Variants in CSMD1 observed in about 807,000 individuals in gnomAD.
The protein encoded by CSMD1 is CUB and sushi domain-containing protein 1.
A neutral mutation model predicts 417.5 loss-of-function variants in CSMD1; 213 were observed. The observed-to-expected ratio is 0.51, with a 90% CI of 0.46 to 0.57. CSMD1 has a LOEUF of 0.57. Among genes scored for constraint, CSMD1 ranks in the 20% least tolerant of loss-of-function variants. The pLI is 0.00. For synonymous variants in CSMD1, 2,862 were observed against 1,736.8 expected (o/e 1.65, Z -16.11); for missense variants, 6,923 against 4,529.7 (o/e 1.53, Z -15.17).
At chr8:3,177,124 G>T (rs10089056) in intron 37 of CSMD1, among the ~76,000 whole-genome samples, 2 of 151,890 alleles carry the variant, frequency 1.3e-5, no homozygotes, top group South Asian at 4.2e-4. Flanking sequence ...AGAGACGAGA[G>T]CCGCATGCTA....
intron 3 of CSMD1, among the ~76,000 whole-genome samples, chr8:4,061,202 T>G (rs1024196288): frequency 2.6e-4 from 40 of 152,162 alleles, no homozygotes; most frequent in African/African-American, 9.4e-4. Context: ...ATGAGCCCTT[T>G]TAGGAACCCA....
rs373888612 is a variant in CSMD1, at chr8:4,344,830, A to C, written c.415+75123T>G. Reference sequence around the variant, plus strand: ...TATGATATATAGCAGCTGATCTTTAAAAAGGATCTTTGAGAACCTTTAAAA... The same window carrying C: ...TATGATATATAGCAGCTGATCTTTACAAAGGATCTTTGAGAACCTTTAAAA... On this transcript the variant is annotated intron_variant, in intron 3 of 69. Coordinates refer to ENST00000635120, the MANE Select transcript of CSMD1 (RefSeq NM_033225.6). Among the ~76,000 whole-genome samples, 9 of 152,170 alleles carry C rather than the reference A, an allele frequency of 5.9e-5. 1 individual carries two copies. The highest frequency in any genetic ancestry group is 5.9e-5 in the Non-Finnish European group (4 of 68,028).
At chr8:3,534,184 A>G (rs1188120939) in intron 10 of CSMD1, among the ~76,000 whole-genome samples, 3 of 152,194 alleles carry the variant, frequency 2.0e-5, no homozygotes, top group Admixed American at 1.3e-4. Context: ...TTGGTGTTTC[A>G]TCACTTACTC....
chr8:3,099,689 T>A (rs555666758), intron 46 of CSMD1, among the ~76,000 whole-genome samples: 4 of 152,186 alleles, frequency 2.6e-5, no homozygotes, highest in African/African-American at 9.6e-5. Flanking sequence ...TATTCGCACA[T>A]CCTGGGGTTT....
intron 3 of CSMD1, among the ~76,000 whole-genome samples, chr8:4,406,638 A>G (rs1396450555): frequency 6.6e-6 from 1 of 152,186 alleles, no homozygotes; most frequent in African/African-American, 2.4e-5. Context: ...CTGGCCACAC[A>G]ACAGGAAGCA....
At chr8:4,010,303 C>A (rs984973634) in intron 4 of CSMD1, among the ~76,000 whole-genome samples, 4 of 152,080 alleles carry the variant, frequency 2.6e-5, no homozygotes, top group African/African-American at 9.7e-5. Flanking sequence ...AATAATCTGG[C>A]ACCCTCTGCC....
chr8:3,405,212 A>G lies in CSMD1; in HGVS notation c.2266+815T>C, dbSNP rs547260212. ...TTCTTCTTAAATTTGTACTTCTTTGATATACACTAGAGGTAAGTTTTTAAG... is the reference window on the plus strand; with the variant it reads ...TTCTTCTTAAATTTGTACTTCTTTGGTATACACTAGAGGTAAGTTTTTAAG... On this transcript the variant is annotated intron_variant, in intron 15 of 69. Transcript: ENST00000635120. 7.2e-5 allele frequency among the ~76,000 whole-genome samples: 11 copies of G among 152,306 alleles called. No individual in the cohort carries two copies. In the South Asian group the frequency reaches 1.9e-3, roughly 26 times the overall value.
At position 4,637,390 on chromosome 8, in the gene CSMD1, A is replaced by G. The variant is rs1490572989; in HGVS notation, c.254T>C (p.Ile85Thr). 2.5e-6 allele frequency: 4 copies of G among 1,613,886 alleles called. No homozygotes were observed. The highest frequency in any genetic ancestry group is 1.3e-5 in the African/African-American group (1 of 74,924). Residue 85 changes from isoleucine to threonine, a missense_variant, in exon 2 of 70, where the codon ATT becomes ACT. By Grantham distance (89) the Ile-to-Thr change is moderately conservative. Transcript: ENST00000635120. ...HTFALEEDFDILSVYDGQPQQ... is the reference protein window; with the variant it reads ...HTFALEEDFDTLSVYDGQPQQ... ...AGGCTGTCCATCGTAAACTGATAAA[A>G]TATCAAAATCTTCTTCAAGAGCAAA...
At chr8:3,127,776 A>T (rs1817584061) in intron 41 of CSMD1, 8 of 152,138 alleles carry the variant, frequency 5.3e-5, no homozygotes, top group Non-Finnish European at 1.2e-4. Context: ...TCTTTCCCAA[A>T]AAAGTTTATG....
At chr8:3,506,435 A>G (rs1189508390) in intron 10 of CSMD1, among the ~76,000 whole-genome samples, 2 of 152,230 alleles carry the variant, frequency 1.3e-5, no homozygotes, top group South Asian at 4.1e-4. Flanking sequence ...CGAATGGGTA[A>G]GTACTCACAT....
At chr8:3,289,677 G>GT (rs554039569) in intron 25 of CSMD1, among the ~76,000 whole-genome samples, 2 of 146,314 alleles carry the variant, frequency 1.4e-5, no homozygotes, top group Admixed American at 6.7e-5. Context: ...GGGGTTGTTT[G>GT]TTTTTTTCTT....
At chr8:3,246,481 A>AT (rs1398238213) in intron 26 of CSMD1, among the ~76,000 whole-genome samples, 5 of 151,340 alleles carry the variant, frequency 3.3e-5, no homozygotes, top group South Asian at 2.1e-4. Flanking sequence ...TTAAATTTGT[A>AT]TTTTTTTTGT....
chr8:3,726,078 G>A (rs1454706212), intron 6 of CSMD1, among the ~76,000 whole-genome samples: 2 of 152,050 alleles, frequency 1.3e-5, no homozygotes, highest in Non-Finnish European at 1.5e-5. Context: ...TGCCATGAGG[G>A]TACTCAAGCA....
At chr8:4,365,075 T>A (rs185873569) in intron 3 of CSMD1, among the ~76,000 whole-genome samples, 1 of 152,178 alleles carries the variant, frequency 6.6e-6, no homozygotes, top group Non-Finnish European at 1.5e-5. Flanking sequence ...TCATCAGTTG[T>A]AATGGCAAGT....
intron 1 of CSMD1, among the ~76,000 whole-genome samples, chr8:4,759,237 G>C (rs551307583): frequency 4.8e-4 from 73 of 152,264 alleles, no homozygotes; most frequent in African/African-American, 1.6e-3. Context: ...CTCACCATCA[G>C]TGTCGTTGGA....
intron 3 of CSMD1, among the ~76,000 whole-genome samples, chr8:4,223,107 C>T (rs897652581): frequency 6.9e-6 from 1 of 144,336 alleles, no homozygotes; most frequent in South Asian, 2.5e-4. Context: ...CCCTGAGCAT[C>T]TGTAGTAGCA....
intron 6 of CSMD1, among the ~76,000 whole-genome samples, chr8:3,740,932 G>A (rs1796768836): frequency 1.3e-5 from 2 of 151,966 alleles, no homozygotes; most frequent in African/African-American, 2.4e-5. Flanking sequence ...GAAGATAGAG[G>A]GGGCCAGGGG....
chr8:3,776,807 G>GATATAT lies in CSMD1; in HGVS notation c.819-22771_819-22766dup, dbSNP rs151060171. Among the ~76,000 whole-genome samples, 40 of 139,988 alleles carry GATATAT rather than the reference G, an allele frequency of 2.9e-4. 1 individual carries two copies. In the East Asian group the frequency reaches 3.5e-3, roughly 12 times the overall value. The allele number at this position is 139,988 out of a possible 152,430, so 91.8% of individuals were successfully genotyped here. On this transcript the variant is annotated intron_variant, in intron 5 of 69. Transcript: ENST00000635120. ...GTGATAGATAGTGACATATAGACGA[G>GATATAT]ATATATATATATATATACAGATGAC...
At chr8:3,142,342 C>T (rs1450099897) in intron 41 of CSMD1, 123 bp downstream of exon 41, 9 of 872,604 alleles carry the variant, frequency 1.0e-5, no homozygotes, top group South Asian at 5.0e-5. Flanking sequence ...AACCAACATT[C>T]CACCAAAAAA....
Sources: allele counts gnomAD v4.1 joint callset (sites outside exome capture counted in the v4.1 genomes callset), GRCh38; gene constraint gnomAD v4.1.1; transcripts MANE v1.5; gene names NCBI Gene and HGNC (gene_info 2026-07-23, HGNC 2026-07-21).